Variants in TIAM2 observed in about 807,000 individuals in gnomAD.
TIAM2 encodes rho guanine nucleotide exchange factor TIAM2.
TIAM2 carries 80 observed loss-of-function variants against 152.9 expected under a neutral mutation model. The ratio of observed to expected loss-of-function variants is 0.52; its 90% confidence interval spans 0.44 to 0.63. TIAM2 has a LOEUF of 0.63. Among genes scored for constraint, TIAM2 ranks in the 30% least tolerant of loss-of-function variants. The pLI is 0.00. For synonymous variants in TIAM2, 804 were observed against 838.0 expected (o/e 0.96, Z 0.70); for missense variants, 1,965 against 2,120.1 (o/e 0.93, Z 1.44).
chr6:155,071,166 T>G (rs1777830290), intron 1 of TIAM2, among the ~76,000 whole-genome samples: 1 of 136,694 alleles, frequency 7.3e-6, no homozygotes. Flanking sequence ...GAAATGAGAC[T>G]CAGTGTCAAA....
intron 2 of TIAM2, among the ~76,000 whole-genome samples, chr6:155,126,067 A>C (rs1327295275): frequency 6.6e-6 from 1 of 152,222 alleles, no homozygotes; most frequent in African/African-American, 2.4e-5. Flanking sequence ...AGGTGGAAGC[A>C]ACCCAAGTGT....
intron 1 of TIAM2, among the ~76,000 whole-genome samples, chr6:155,088,052 CTTTTTTTT>C (rs113372173): frequency 8.4e-6 from 1 of 118,998 alleles, no homozygotes; most frequent in Non-Finnish European, 1.7e-5. Context: ...TTCTTTCTTT[CTTTTTTTT>C]TTTTTTTTTT....
chr6:155,235,911 A>G (rs1233602486), intron 15 of TIAM2, among the ~76,000 whole-genome samples: 1 of 152,204 alleles, frequency 6.6e-6, no homozygotes, highest in African/African-American at 2.4e-5. Context: ...ATCCCAGTGA[A>G]GCAAAGCCAT....
At chr6:155,150,304 G>A (rs1425474819) in intron 7 of TIAM2, among the ~76,000 whole-genome samples, 1 of 152,166 alleles carries the variant, frequency 6.6e-6, no homozygotes, top group Non-Finnish European at 1.5e-5. Context: ...GAAACTAAAG[G>A]TCATTCTAAA....
intron 2 of TIAM2, among the ~76,000 whole-genome samples, chr6:155,127,060 C>T (rs938425510): frequency 6.6e-6 from 1 of 152,156 alleles, no homozygotes; most frequent in Admixed American, 6.5e-5. Context: ...TTATTTTAAC[C>T]AAGGACTATT....
At chr6:155,107,400 C>T (rs191315538) in intron 2 of TIAM2, among the ~76,000 whole-genome samples, 22 of 152,270 alleles carry the variant, frequency 1.4e-4, no homozygotes, top group Admixed American at 5.9e-4. Context: ...CAGTTGCCTG[C>T]GCCGTTTTAC....
chr6:155,040,272 A>G (rs1777002106), intron 1 of TIAM2, among the ~76,000 whole-genome samples: 1 of 152,178 alleles, frequency 6.6e-6, no homozygotes, highest in Non-Finnish European at 1.5e-5. Flanking sequence ...AGGGTTTAGA[A>G]TAATCTCATT....
Position 155,029,470 on chromosome 6 carries a change from A to AAT in TIAM2, c.-209+33978_-209+33979insAT, listed in dbSNP as rs1562295152. 1.5e-4 allele frequency among the ~76,000 whole-genome samples: 7 copies of AAT among 48,250 alleles called. 2 individuals are homozygous for AAT. Among genetic ancestry groups the AAT allele is most frequent in the East Asian group, 8.3e-4 (2 of 2,402 alleles). 31.7% of individuals were successfully genotyped at this position (48,250 alleles called of 152,430 possible). On this transcript the variant is annotated intron_variant, in intron 1 of 26. Transcript: ENST00000682666. ...ATAGTATATATTATATATAATATAT[A>AAT]CTATAGTATATATACTATAGTATAT...
intron 1 of TIAM2, among the ~76,000 whole-genome samples, chr6:155,023,042 GTTTTTTTT>G (rs762200760): frequency 1.1e-5 from 1 of 88,274 alleles, no homozygotes; most frequent in Admixed American, 1.2e-4. Flanking sequence ...TTTTTGTTCT[GTTTTTTTT>G]TTTTTTTTTT....
rs184591548 is a variant in TIAM2 at position 155,016,750 on chromosome 6, A to G, written c.-209+21258A>G. 1.3e-3 allele frequency among the ~76,000 whole-genome samples: 188 copies of G among 150,176 alleles called. 4 individuals are homozygous for G. In the East Asian group the frequency reaches 0.027, roughly 21 times the overall value. ...CTGTCTCTACTAAAAATACAAAAAA[A>G]TTAGCCAGGTGTGGTGATGTGTGCC... On this transcript the variant is annotated intron_variant, in intron 1 of 26. Coordinates refer to ENST00000682666, the MANE Select transcript of TIAM2 (RefSeq NM_012454.4).
At chr6:155,205,807 G>C (rs1781582606) in intron 14 of TIAM2, among the ~76,000 whole-genome samples, 2 of 152,126 alleles carry the variant, frequency 1.3e-5, no homozygotes, top group African/African-American at 4.8e-5. Flanking sequence ...TGAGCACCTA[G>C]ATCTATTGGT....
At chr6:155,133,344 C>G (rs757467333) in intron 4 of TIAM2, among the ~76,000 whole-genome samples, 10 of 152,114 alleles carry the variant, frequency 6.6e-5, no homozygotes, top group Non-Finnish European at 1.5e-4. Context: ...GAGACTCCAT[C>G]TCAACAACAA....
At chr6:155,198,954 A>G (rs1202161765) in intron 14 of TIAM2, among the ~76,000 whole-genome samples, 2 of 152,150 alleles carry the variant, frequency 1.3e-5, no homozygotes, top group Admixed American at 1.3e-4. Flanking sequence ...CACGGAGCCT[A>G]GCTGCTGGCT....
chr6:155,073,712 C>T (rs1038197391), intron 1 of TIAM2, among the ~76,000 whole-genome samples: 5 of 152,140 alleles, frequency 3.3e-5, no homozygotes, highest in South Asian at 2.1e-4. Flanking sequence ...TGCTTAACAG[C>T]GAGCTACCCC....
At chr6:155,193,572 A>G (rs1781261671) in intron 14 of TIAM2, among the ~76,000 whole-genome samples, 2 of 151,910 alleles carry the variant, frequency 1.3e-5, no homozygotes, top group African/African-American at 4.8e-5. Flanking sequence ...TCTCACCTTT[A>G]TTTTCCAAGT....
intron 1 of TIAM2, among the ~76,000 whole-genome samples, chr6:155,001,350 T>G (rs945925784): frequency 1.2e-4 from 18 of 152,206 alleles, no homozygotes; most frequent in Non-Finnish European, 2.5e-4. Context: ...CACATGATCC[T>G]TCCACTCTTC....
At chr6:155,207,901 A>C (rs953474583) in intron 14 of TIAM2, among the ~76,000 whole-genome samples, 1 of 152,106 alleles carries the variant, frequency 6.6e-6, no homozygotes, top group African/African-American at 2.4e-5. Context: ...AAGTTCCAAA[A>C]TCTTTGAAGA....
At position 155,139,349 on chromosome 6, in the gene TIAM2, C is replaced by A. The variant is rs539175828; in HGVS notation, c.1630+1737C>A. On this transcript the variant is annotated intron_variant, in intron 5 of 26. Transcript: ENST00000682666. ...CAAGTGATACCTTTTCCTAGCAGGC[C>A]GGCGGGTGTACAAAGCCCAGGGGCC... Among the ~76,000 whole-genome samples, 4 of 152,276 alleles carry A rather than the reference C, an allele frequency of 2.6e-5. No homozygotes were observed. The East Asian group carries it at 5.8e-4, about 22-fold the overall frequency.
At position 155,244,791 on chromosome 6, in the gene TIAM2, T is replaced by C; in HGVS notation, c.3543+8T>C. 1 of 1,600,192 alleles carries C rather than the reference T, an allele frequency of 6.2e-7. No homozygotes were observed. The highest frequency in any genetic ancestry group is 8.5e-7 in the Non-Finnish European group (1 of 1,173,648). ...ACCCCCTCACAGTTTAGAGTAAGTA[T>C]CTCAGATTTAGGCTTAAAGTAAAAA... On this transcript the variant is annotated splice_region_variant and intron_variant, in intron 18 of 26. Transcript: ENST00000682666.
Sources: gnomAD v4.1 joint callset for allele counts (sites outside exome capture counted in the v4.1 genomes callset) on GRCh38, gnomAD v4.1.1 for gene constraint, MANE v1.5 for transcripts, NCBI Gene and HGNC (gene_info 2026-07-23, HGNC 2026-07-21) for gene names.